The following C1orf94 variants were observed in gnomAD, a reference collection of about 807,000 sequenced individuals.
The protein encoded by C1orf94 is uncharacterized protein C1orf94.
A neutral mutation model predicts 53.6 loss-of-function variants in C1orf94; 45 were observed. The observed-to-expected ratio is 0.84, with a 90% CI of 0.66 to 1.08. The LOEUF (loss-of-function observed/expected upper bound fraction) is 1.08. C1orf94 is among the 50% of genes least tolerant of loss of function. C1orf94 has a pLI of 0.00. For synonymous variants in C1orf94, 304 were observed against 296.1 expected (o/e 1.03, Z -0.27); for missense variants, 762 against 738.9 (o/e 1.03, Z -0.36).
intron 1 of C1orf94, among the ~76,000 whole-genome samples, chr1:34,178,761 A>T (rs1221626592): frequency 6.6e-6 from 1 of 150,968 alleles, no homozygotes; most frequent in East Asian, 1.9e-4. Flanking sequence ...ATTGTTGAGG[A>T]TGGATATTCG....
At chr1:34,206,375 G>A (rs893031293) in intron 4 of C1orf94, among the ~76,000 whole-genome samples, 30 of 152,190 alleles carry the variant, frequency 2.0e-4, no homozygotes, top group African/African-American at 7.2e-4. Context: ...TTCCCATAGG[G>A]AAGCTCAGCT....
rs1642251627 is a variant in C1orf94, at chr1:34,177,767, A to G, written c.-23A>G. On this transcript the variant is annotated 5_prime_UTR_variant, in exon 1 of 7. Coordinates refer to ENST00000488417, the MANE Select transcript of C1orf94 (RefSeq NM_001134734.2). ...AACTGACCCACTTCTGCCAAGCCCC[A>G]TCCTCATCTCCCTTTCTGGTGAATG... The G allele has an allele frequency of 3.3e-6, 5 of 1,513,050 alleles. No homozygotes were observed. In the East Asian group the frequency reaches 1.2e-4, roughly 37 times the overall value. The allele number at this position is 1,513,050 out of a possible 1,614,324, so 93.7% of individuals were successfully genotyped here.
rs760866514 is a variant in C1orf94, at chr1:34,197,423, C to T, written c.519C>T (p.Arg173=). ...APPLVAGSNE[R]PRASIIVGDK... ...CTCTAGTGGCAGGCAGTAATGAGCG[C>T]CCCAGAGCCTCCATCATTGTCGGAG... The change falls in exon 2 of 7, where the codon CGC becomes CGT. Residue 173 remains arginine (R), a synonymous_variant. Transcript: ENST00000488417. This position sits in a 1 kb window ranked among gnomAD's most constrained non-coding sequence, Gnocchi z 4.1. The T allele has an allele frequency of 1.7e-5, 28 of 1,613,836 alleles. No individual in the cohort carries two copies. The South Asian group carries it at 3.1e-4, about 18-fold the overall frequency.
chr1:34,182,087 G>C (rs113705006), intron 1 of C1orf94, among the ~76,000 whole-genome samples: 3,480 of 152,278 alleles, frequency 0.023, 140 homozygotes, highest in African/African-American at 0.08. Context: ...CTAGCTACTC[G>C]GGAGGGTGAA....
chr1:34,196,426 T>C (rs570256107), intron 1 of C1orf94, among the ~76,000 whole-genome samples: 1 of 152,124 alleles, frequency 6.6e-6, no homozygotes, highest in Non-Finnish European at 1.5e-5. Context: ...GTGCTGTACA[T>C]GAAGGGAGGC....
At position 34,177,153 on chromosome 1, in the gene C1orf94, C is replaced by T. The variant is rs114382656; in HGVS notation, c.-637C>T. On this transcript the variant is annotated 5_prime_UTR_variant, in exon 1 of 7. Transcript: ENST00000488417. ...TGGGCCCATCCACACACGCCTCATC[C>T]CTTCTTTCCGGGGGCAGCAGAGCAG... 7.9e-3 allele frequency among the ~76,000 whole-genome samples: 1,199 copies of T among 152,320 alleles called. 17 individuals are homozygous for T. Among genetic ancestry groups the T allele is most frequent in the East Asian group, 0.067 (346 of 5,168 alleles).
intron 2 of C1orf94, among the ~76,000 whole-genome samples, chr1:34,198,835 G>T (rs974911856): frequency 6.6e-6 from 1 of 152,208 alleles, no homozygotes; most frequent in Non-Finnish European, 1.5e-5. Context: ...CTGGGTCCTG[G>T]ACAGGCTTCT....
intron 1 of C1orf94, among the ~76,000 whole-genome samples, chr1:34,180,933 G>A (rs928166252): frequency 1.4e-4 from 21 of 152,046 alleles, no homozygotes; most frequent in African/African-American, 9.7e-5. Flanking sequence ...GCCATCTTCC[G>A]CTGCTCGAAT....
chr1:34,189,327 G>A lies in C1orf94; in HGVS notation c.321-7898G>A, dbSNP rs553947593. On this transcript the variant is annotated intron_variant, in intron 1 of 6. Coordinates refer to ENST00000488417, the MANE Select transcript of C1orf94 (RefSeq NM_001134734.2). Reference sequence around the variant, plus strand: ...TGCATGACTGTGGTGTATGGTGCATGGGTGTATATGTGCCCGAGTGTGTGT... The same window carrying A: ...TGCATGACTGTGGTGTATGGTGCATAGGTGTATATGTGCCCGAGTGTGTGT... 4.0e-5 allele frequency among the ~76,000 whole-genome samples: 6 copies of A among 151,338 alleles called. No homozygotes were observed. The East Asian group carries it at 5.8e-4, about 15-fold the overall frequency.
intron 5 of C1orf94, among the ~76,000 whole-genome samples, chr1:34,211,400 C>G (rs1001354464): frequency 6.6e-6 from 1 of 152,062 alleles, no homozygotes; most frequent in South Asian, 2.1e-4. Context: ...TCTGACTTGT[C>G]GCGGCAAGAT....
In C1orf94 at chr1:34,206,444, C is replaced by T. The variant is rs547795139; in HGVS notation, c.1447-1713C>T. ...GCTCTGGTCACCCTCTAAGAGGGTA[C>T]GATGAGTCTCAAAAATGGTGACATG... On this transcript the variant is annotated intron_variant, in intron 4 of 6. Transcript: ENST00000488417. Among the ~76,000 whole-genome samples the T allele has an allele frequency of 7.2e-5, 11 of 152,272 alleles. No homozygotes were observed. The South Asian group carries it at 1.2e-3, about 17-fold the overall frequency.
chr1:34,207,602 A>G (rs552497783), intron 4 of C1orf94, among the ~76,000 whole-genome samples: 2 of 152,334 alleles, frequency 1.3e-5, no homozygotes, highest in East Asian at 3.9e-4. Flanking sequence ...ATATTTGTAC[A>G]CAGAAATACA....
chr1:34,215,717 G>T (rs1324573998), intron 6 of C1orf94, among the ~76,000 whole-genome samples: 3 of 152,138 alleles, frequency 2.0e-5, no homozygotes, highest in Non-Finnish European at 4.4e-5. Flanking sequence ...AAACACTAAG[G>T]TCATTGGGCC....
At chr1:34,204,010 G>A (rs1174605448) in intron 4 of C1orf94, among the ~76,000 whole-genome samples, 1 of 152,152 alleles carries the variant, frequency 6.6e-6, no homozygotes, top group Admixed American at 6.5e-5. Flanking sequence ...ATGGGGAAGG[G>A]CAGGAACTCA....
chr1:34,217,289 A>T (rs914424142), intron 6 of C1orf94, among the ~76,000 whole-genome samples: 2 of 152,054 alleles, frequency 1.3e-5, no homozygotes, highest in Non-Finnish European at 2.9e-5. Context: ...GTGGCCGTTG[A>T]TCTGATCAGA....
chr1:34,171,081 C>A (rs1485949072), intron 1 of C1orf94, among the ~76,000 whole-genome samples: 1 of 152,232 alleles, frequency 6.6e-6, no homozygotes, highest in Non-Finnish European at 1.5e-5. Context: ...CTTCCCCGGA[C>A]TTTCCCCTAT....
chr1:34,168,608 A>G (rs1307961680), intron 1 of C1orf94, among the ~76,000 whole-genome samples: 4 of 152,206 alleles, frequency 2.6e-5, no homozygotes, highest in Non-Finnish European at 2.9e-5. Context: ...TTGCCTCACA[A>G]TTCTGGAGGC....
chr1:34,202,215 C>T lies in C1orf94; in HGVS notation c.1402C>T (p.Pro468Ser). 1 of 1,614,246 alleles carries T rather than the reference C, an allele frequency of 6.2e-7. No individual in the cohort carries two copies. ...QPLWLNLNYP[P>S]PPVFTNHSTF... The stretch of plus-strand genomic sequence containing the variant: ...ACTCTGGCTCAACCTGAACTATCCA[C>T]CTCCACCAGTGTTCACGAATCACTC... Residue 468 changes from proline to serine, a missense_variant, in exon 4 of 7, where the codon CCT (proline) becomes TCT (serine). By Grantham distance (74) the Pro-to-Ser change is moderately conservative (BLOSUM62 -1). Transcript: ENST00000488417.
At chr1:34,201,091 G>T in intron 3 of C1orf94, 59 bp downstream of exon 3, 1 of 1,532,572 alleles carries the variant, frequency 6.5e-7, no homozygotes. Flanking sequence ...ACCCTCACAG[G>T]CTTCAGGGTG....
Sources: gnomAD v4.1 joint callset for allele counts (sites outside exome capture counted in the v4.1 genomes callset) on GRCh38, gnomAD v4.1.1 for gene constraint, Gnocchi (gnomAD v3.1) non-coding constraint, MANE v1.5 for transcripts, NCBI Gene and HGNC (gene_info 2026-07-23, HGNC 2026-07-21) for gene names.